NRXN3: variants seen among roughly 807,000 people sequenced by gnomAD.
NRXN3 encodes neurexin III.
NRXN3 carries 32 observed loss-of-function variants against 137.6 expected under a neutral mutation model. The observed-to-expected ratio is 0.23, with a 90% CI of 0.18 to 0.31. The LOEUF (loss-of-function observed/expected upper bound fraction) is 0.31, where lower values mean the gene tolerates loss of function less well. Among genes scored for constraint, NRXN3 ranks in the 10% least tolerant of loss-of-function variants. The pLI is 1.00. For synonymous variants in NRXN3, 798 were observed against 784.5 expected, an observed-to-expected ratio of 1.02 and a Z score of -0.29; for missense variants, 1,574 against 2,062.5, an observed-to-expected ratio of 0.76 and a Z score of 4.59.
rs372900376 is a variant in NRXN3 at position 79,582,896 on chromosome 14, T to C, written c.3445-80882T>C. Among the ~76,000 whole-genome samples, 4 of 152,328 alleles carry C rather than the reference T, an allele frequency of 2.6e-5. No homozygotes were observed. In the South Asian group the frequency reaches 8.3e-4, roughly 32 times the overall value. ...GGAAACCTGAGAAATAAAACTGTTT[T>C]ATTACTGGTACTTGCCTTTCTCGAA... On this transcript the variant is annotated intron_variant, in intron 16 of 20. Coordinates refer to ENST00000335750, the MANE Select transcript of NRXN3 (RefSeq NM_001330195.2).
At chr14:79,606,584 A>G (rs970479383) in intron 16 of NRXN3, among the ~76,000 whole-genome samples, 2 of 152,228 alleles carry the variant, frequency 1.3e-5, no homozygotes, top group African/African-American at 4.8e-5. Context: ...TAGATTTTAT[A>G]AGGTATTATG....
chr14:79,585,588 G>A (rs1320033459), intron 16 of NRXN3, among the ~76,000 whole-genome samples: 1 of 151,120 alleles, frequency 6.6e-6, no homozygotes, highest in East Asian at 2.0e-4. Context: ...AGGACGCTGA[G>A]GCAGGAGAAT....
At chr14:79,123,801 C>A (rs2055905732) in intron 15 of NRXN3, among the ~76,000 whole-genome samples, 1 of 152,152 alleles carries the variant, frequency 6.6e-6, no homozygotes, top group Non-Finnish European at 1.5e-5. Context: ...CATGAATAAG[C>A]AGAGCAGGCC....
intron 8 of NRXN3, among the ~76,000 whole-genome samples, chr14:78,743,260 C>G (rs1446569987): frequency 6.6e-6 from 1 of 152,176 alleles, no homozygotes; most frequent in East Asian, 1.9e-4. Context: ...TTATTGCTGA[C>G]ATGGGACAAG....
intron 15 of NRXN3, among the ~76,000 whole-genome samples, chr14:79,370,863 G>A (rs780227028): frequency 6.6e-6 from 1 of 152,098 alleles, no homozygotes; most frequent in Non-Finnish European, 1.5e-5. Flanking sequence ...AGTCTAATAT[G>A]TGCTAAGCCT....
At chr14:79,678,920 C>T (rs1015909528) in intron 17 of NRXN3, among the ~76,000 whole-genome samples, 1 of 151,948 alleles carries the variant, frequency 6.6e-6, no homozygotes, top group East Asian at 1.9e-4. Flanking sequence ...CCAGGTCACC[C>T]GGTCCGTTTC....
At chr14:78,493,522 T>A (rs2095708496) in intron 4 of NRXN3, among the ~76,000 whole-genome samples, 1 of 113,270 alleles carries the variant, frequency 8.8e-6, no homozygotes, top group Non-Finnish European at 1.8e-5. Flanking sequence ...AAACTCCATC[T>A]CAAATAAATA....
At chr14:78,519,560 A>G (rs2096258117) in intron 4 of NRXN3, among the ~76,000 whole-genome samples, 1 of 152,164 alleles carries the variant, frequency 6.6e-6, no homozygotes, top group Non-Finnish European at 1.5e-5. Flanking sequence ...TGGGAAAGCA[A>G]AAGAAAAAAC....
intron 1 of NRXN3, among the ~76,000 whole-genome samples, chr14:78,212,383 G>T (rs1441736757): frequency 6.6e-6 from 1 of 151,942 alleles, no homozygotes; most frequent in African/African-American, 2.4e-5. Context: ...GAAATTAATG[G>T]CTTGAGGCTT....
intron 10 of NRXN3, among the ~76,000 whole-genome samples, chr14:78,954,501 G>A (rs1232224224): frequency 3.3e-5 from 5 of 152,048 alleles, no homozygotes; most frequent in Non-Finnish European, 7.4e-5. Context: ...GTCTCGCTCT[G>A]TCATCCAGGC....
chr14:79,138,199 A>C (rs2058438125), intron 15 of NRXN3, among the ~76,000 whole-genome samples: 1 of 152,214 alleles, frequency 6.6e-6, no homozygotes, highest in African/African-American at 2.4e-5. Flanking sequence ...TCTGTCACCC[A>C]GGCTGAAGTA....
rs763997346 is a variant in NRXN3 at position 78,957,313 on chromosome 14, C to A, written c.2347C>A (p.Arg783=). The A allele has an allele frequency of 1.9e-6, 3 of 1,613,982 alleles. No individual in the cohort carries two copies. The highest frequency in any genetic ancestry group is 1.1e-5 in the South Asian group (1 of 91,060). Reference sequence around the variant, plus strand: ...CGAGTGGCACACCGTTCGGGTGGTGCGGAGAGGAAAAAGCCTTAAGTTAAC... The same window carrying A: ...CGAGTGGCACACCGTTCGGGTGGTGAGGAGAGGAAAAAGCCTTAAGTTAAC... The part of the protein sequence containing the change: ...DNEWHTVRVV[R]RGKSLKLTVD... Residue 783 remains arginine, a synonymous_variant, in exon 11 of 21, where the codon CGG becomes AGG. Coordinates refer to ENST00000335750, the MANE Select transcript of NRXN3 (RefSeq NM_001330195.2).
At chr14:78,558,024 G>A (rs1217293591) in intron 4 of NRXN3, among the ~76,000 whole-genome samples, 2 of 152,296 alleles carry the variant, frequency 1.3e-5, no homozygotes, top group Middle Eastern at 3.4e-3. Context: ...GGCACAGAGA[G>A]GGTAAGTAAC....
At chr14:79,849,201 C>A (rs574159242) in intron 20 of NRXN3, among the ~76,000 whole-genome samples, 1 of 152,298 alleles carries the variant, frequency 6.6e-6, no homozygotes, top group South Asian at 2.1e-4. Context: ...CTCCCCAATT[C>A]TACTTTTGCT....
chr14:79,130,871 C>T (rs1226956441), intron 15 of NRXN3, among the ~76,000 whole-genome samples: 2 of 151,674 alleles, frequency 1.3e-5, no homozygotes, highest in East Asian at 1.9e-4. Context: ...GGAGGCTTTG[C>T]TCATTTCTTT....
chr14:79,760,456 C>T (rs1417513658), intron 19 of NRXN3, among the ~76,000 whole-genome samples: 1 of 143,536 alleles, frequency 7.0e-6, no homozygotes, highest in Non-Finnish European at 1.5e-5. Flanking sequence ...TGAGAAATAA[C>T]GCAGCTGTTT....
At chr14:79,029,833 T>TGTTG (rs564312550) in intron 15 of NRXN3, among the ~76,000 whole-genome samples, 2 of 151,064 alleles carry the variant, frequency 1.3e-5, no homozygotes, top group Non-Finnish European at 2.9e-5. Flanking sequence ...CATTATGGTT[T>TGTTG]GTTTGTTTGT....
At chr14:79,512,221 T>G (rs1175222455) in intron 16 of NRXN3, among the ~76,000 whole-genome samples, 1 of 152,182 alleles carries the variant, frequency 6.6e-6, no homozygotes, top group Admixed American at 6.5e-5. Flanking sequence ...GATGTATCAA[T>G]TGTAGCTTAC....
intron 15 of NRXN3, among the ~76,000 whole-genome samples, chr14:79,043,985 C>T (rs1312199848): frequency 6.6e-6 from 1 of 152,048 alleles, no homozygotes; most frequent in East Asian, 1.9e-4. Context: ...TGAGGATGAC[C>T]CACTAGATAT....
Sources: gnomAD v4.1 joint callset for allele counts (sites outside exome capture counted in the v4.1 genomes callset) on GRCh38, gnomAD v4.1.1 for gene constraint, MANE v1.5 for transcripts, NCBI Gene and HGNC (gene_info 2026-07-23, HGNC 2026-07-21) for gene names.